The following PRKCA variants were observed in gnomAD, a reference collection of about 807,000 sequenced individuals.
PRKCA encodes the protein protein kinase C alpha.
PRKCA carries 27 observed loss-of-function variants against 87.0 expected under a neutral mutation model. The observed-to-expected ratio is 0.31, with a 90% CI of 0.23 to 0.43. PRKCA has a LOEUF of 0.43. Ranked by LOEUF, PRKCA falls within the 20% of genes least tolerant of loss-of-function variation. The pLI, the probability that PRKCA is intolerant of heterozygous loss-of-function variation, is 1.00. For missense variants in PRKCA, 518 were observed against 852.3 expected, an observed-to-expected ratio of 0.61 and a Z score of 4.88; for synonymous variants, 329 against 311.1, an observed-to-expected ratio of 1.06 and a Z score of -0.61.
chr17:66,763,212 C>T (rs1974724053), intron 13 of PRKCA, among the ~76,000 whole-genome samples: 1 of 152,234 alleles, frequency 6.6e-6, no homozygotes, highest in Admixed American at 6.5e-5. Flanking sequence ...AGATCCACTA[C>T]TTCTCCAACA....
At chr17:66,406,023 G>T (rs10221238) in intron 2 of PRKCA, among the ~76,000 whole-genome samples, 6,766 of 152,232 alleles carry the variant, frequency 0.044, 220 homozygotes, top group Admixed American at 0.078. Context: ...CCAGCTGTCA[G>T]ATTTGAATGC....
At position 66,368,381 on chromosome 17, in the gene PRKCA, TA is replaced by T. The variant is rs1392645557; in HGVS notation, c.205+62255del. ...GTGTATATGTATATATATATATATATATATATTTTTTTTTTTTTTTTTTTTT... is the reference window on the plus strand; with the variant it reads ...GTGTATATGTATATATATATATATATTATATTTTTTTTTTTTTTTTTTTTT... On this transcript the variant is annotated intron_variant, in intron 2 of 16. Transcript: ENST00000413366. Among the ~76,000 whole-genome samples, 249 of 33,918 alleles carry T rather than the reference TA, an allele frequency of 7.3e-3. 1 individual carries two copies. The highest frequency in any genetic ancestry group is 0.012 in the African/African-American group (154 of 12,732). 22.3% of individuals were successfully genotyped at this position (33,918 alleles called of 152,430 possible).
chr17:66,693,557 T>C (rs964340348), intron 8 of PRKCA, among the ~76,000 whole-genome samples: 18 of 152,174 alleles, frequency 1.2e-4, no homozygotes, highest in Admixed American at 9.8e-4. Flanking sequence ...CTCCAGGCAC[T>C]ATTGAGGACA....
chr17:66,613,848 T>G (rs904015741), intron 3 of PRKCA, among the ~76,000 whole-genome samples: 1 of 129,304 alleles, frequency 7.7e-6, no homozygotes, highest in Non-Finnish European at 1.6e-5. Context: ...AGTGGCACGA[T>G]CTCTGCTCAC....
At chr17:66,468,407 A>G (rs764949401) in intron 2 of PRKCA, among the ~76,000 whole-genome samples, 5 of 152,186 alleles carry the variant, frequency 3.3e-5, no homozygotes, top group Non-Finnish European at 5.9e-5. Context: ...ATCTTGGTGC[A>G]GCAGTTTGTA....
intron 2 of PRKCA, among the ~76,000 whole-genome samples, chr17:66,492,487 A>C (rs988250088): frequency 2.0e-5 from 3 of 152,252 alleles, no homozygotes; most frequent in African/African-American, 7.2e-5. Context: ...AACAGTGTTC[A>C]CTGAATGTGG....
intron 2 of PRKCA, among the ~76,000 whole-genome samples, chr17:66,377,112 G>A (rs1909465760): frequency 6.6e-6 from 1 of 152,070 alleles, no homozygotes; most frequent in Non-Finnish European, 1.5e-5. Context: ...TGCAACCTCT[G>A]CCTTCCAGGT....
chr17:66,437,307 A>G (rs1913447859), intron 2 of PRKCA, among the ~76,000 whole-genome samples: 2 of 152,176 alleles, frequency 1.3e-5, no homozygotes, highest in Non-Finnish European at 2.9e-5. Flanking sequence ...GGCTGAGAAC[A>G]GGTTTTCTCC....
At chr17:66,415,700 C>T (rs1432754115) in intron 2 of PRKCA, 2 of 152,138 alleles carry the variant, frequency 1.3e-5, no homozygotes, top group African/African-American at 4.8e-5. Flanking sequence ...CTTTCCAGCT[C>T]GAAGTGCCCT....
chr17:66,408,080 A>G (rs1911526142), intron 2 of PRKCA, among the ~76,000 whole-genome samples: 1 of 152,228 alleles, frequency 6.6e-6, no homozygotes, highest in Admixed American at 6.5e-5. Flanking sequence ...ATTGACACTA[A>G]TTCACTTTCT....
chr17:66,735,719 G>A, intron 10 of PRKCA, 57 bp downstream of exon 10: 4 of 1,558,286 alleles, frequency 2.6e-6, no homozygotes, highest in Non-Finnish European at 3.5e-6. Context: ...CTACGCCTCA[G>A]CCCAAAGCTT....
At chr17:66,652,477 ATT>A (rs1433485013) in intron 5 of PRKCA, among the ~76,000 whole-genome samples, 1 of 152,124 alleles carries the variant, frequency 6.6e-6, no homozygotes, top group African/African-American at 2.4e-5. Flanking sequence ...ATGCTGAAAT[ATT>A]TTAGGGGTCA....
At chr17:66,552,017 G>A (rs541943265) in intron 3 of PRKCA, among the ~76,000 whole-genome samples, 53 of 152,106 alleles carry the variant, frequency 3.5e-4, no homozygotes, top group Non-Finnish European at 6.2e-4. Flanking sequence ...GGTGTATTTG[G>A]CCAGGCACAA....
At chr17:66,550,716 G>A (rs140414322) in intron 3 of PRKCA, among the ~76,000 whole-genome samples, 147 of 152,252 alleles carry the variant, frequency 9.7e-4, no homozygotes, top group African/African-American at 3.4e-3. Context: ...TGCGGGCAAA[G>A]GAAAGCACAG....
At chr17:66,775,414 T>C in intron 14 of PRKCA, 1 of 984,510 alleles carries the variant, frequency 1.0e-6, no homozygotes, top group Non-Finnish European at 1.2e-6. Flanking sequence ...ACTGGCCACT[T>C]GGCCCCAGTG....
At chr17:66,465,997 G>A (rs1276922626) in intron 2 of PRKCA, among the ~76,000 whole-genome samples, 6 of 151,968 alleles carry the variant, frequency 3.9e-5, no homozygotes, top group Non-Finnish European at 7.4e-5. Context: ...CTGTTCTTCT[G>A]TAGGGCTATA....
chr17:66,398,525 G>A (rs1271036815), intron 2 of PRKCA, among the ~76,000 whole-genome samples: 1 of 152,160 alleles, frequency 6.6e-6, no homozygotes, highest in Non-Finnish European at 1.5e-5. Flanking sequence ...AAGGCATTTT[G>A]GTGTGGAGAG....
At chr17:66,501,215 C>T (rs1178621669) in intron 3 of PRKCA, among the ~76,000 whole-genome samples, 1 of 152,162 alleles carries the variant, frequency 6.6e-6, no homozygotes, top group Non-Finnish European at 1.5e-5. Flanking sequence ...TTCTTTTGAA[C>T]AGAGATGCTC....
chr17:66,430,871 A>C (rs1209006811), intron 2 of PRKCA, among the ~76,000 whole-genome samples: 1 of 152,152 alleles, frequency 6.6e-6, no homozygotes, highest in African/African-American at 2.4e-5. Context: ...ACTGCTGATT[A>C]CTTCAGTTCC....
Sources: allele counts gnomAD v4.1 joint callset (sites outside exome capture counted in the v4.1 genomes callset), GRCh38; gene constraint gnomAD v4.1.1; transcripts MANE v1.5; gene names NCBI Gene and HGNC (gene_info 2026-07-23, HGNC 2026-07-21).